The following OR6P1 variants were observed in gnomAD, a reference collection of about 807,000 sequenced individuals.
OR6P1 encodes olfactory receptor family 6 subfamily P member 1, also known as olfactory receptor 6P1.
Under a neutral mutation model 6.6 loss-of-function variants are expected in OR6P1, and 5 were observed. The observed-to-expected ratio is 0.76, with a 90% CI of 0.40 to 1.60. The LOEUF is 1.60. Among genes scored for constraint, OR6P1 ranks in the 40% most tolerant of loss-of-function variants. The pLI is 0.02. For missense variants in OR6P1, 451 were observed against 383.0 expected (o/e 1.18, Z -1.48); for synonymous variants, 177 against 149.6 (o/e 1.18, Z -1.33).
rs1413067437 is a variant in OR6P1 at position 158,561,294 on chromosome 1, C to T, written c.*1357G>A. The T allele has an allele frequency of 6.6e-6, 1 of 152,132 alleles. No individual in the cohort carries two copies. The highest frequency in any genetic ancestry group is 6.5e-5 in the Admixed American group (1 of 15,272). The allele number at this position is 152,132 out of a possible 1,614,324, so 9.4% of individuals were successfully genotyped here. On this transcript the variant is annotated 3_prime_UTR_variant, in exon 3 of 3. Coordinates refer to ENST00000641540, the MANE Select transcript of OR6P1 (RefSeq NM_001160325.2). ...AATGTAAATTGAGCTATGTTCAGAG[C>T]TGTTTCTAAGGCTATTTAGAAATTT...
intron 2 of OR6P1, among the ~76,000 whole-genome samples, chr1:158,565,878 T>C (rs578090541): frequency 6.6e-6 from 1 of 152,292 alleles, no homozygotes; most frequent in South Asian, 2.1e-4. Context: ...TATTTAAACT[T>C]TTTATTAGTT....
At chr1:158,569,773 C>A (rs1428174010) in intron 1 of OR6P1, among the ~76,000 whole-genome samples, 1 of 152,058 alleles carries the variant, frequency 6.6e-6, no homozygotes, top group East Asian at 1.9e-4. Flanking sequence ...GATCATACAT[C>A]TAGAAAATTG....
At chr1:158,565,500 T>A (rs939815643) in intron 2 of OR6P1, among the ~76,000 whole-genome samples, 1 of 152,200 alleles carries the variant, frequency 6.6e-6, no homozygotes, top group Non-Finnish European at 1.5e-5. Flanking sequence ...CCTACATGTT[T>A]ATTGTTTCCT....
chr1:158,561,637 G>A lies in OR6P1; in HGVS notation c.*1014C>T, dbSNP rs533831844. On this transcript the variant is annotated 3_prime_UTR_variant, in exon 3 of 3. Transcript: ENST00000641540. ...GTAAATGAGCCTAGATTCAAGATAA[G>A]AAAAATTTCTCTGAACAATTCAAGT... 4 of 152,264 alleles carry A rather than the reference G, an allele frequency of 2.6e-5. No homozygotes were observed. In the East Asian group the frequency reaches 7.7e-4, roughly 29 times the overall value. 9.4% of individuals were successfully genotyped at this position (152,264 alleles called of 1,614,324 possible).
chr1:158,564,533 G>A (rs1157748380), intron 2 of OR6P1, among the ~76,000 whole-genome samples: 1 of 152,128 alleles, frequency 6.6e-6, no homozygotes, highest in Non-Finnish European at 1.5e-5. Flanking sequence ...ACAGATTTAA[G>A]GATGCTGGCC....
rs370133355 is a variant in OR6P1 at position 158,561,749 on chromosome 1, G to A, written c.*902C>T. ...CATCCCAATTGCCATAGAGATATCTGCATCCTATCTATGGCTCTTCAATCT... is the reference window on the plus strand; with the variant it reads ...CATCCCAATTGCCATAGAGATATCTACATCCTATCTATGGCTCTTCAATCT... On this transcript the variant is annotated 3_prime_UTR_variant, in exon 3 of 3. Coordinates refer to ENST00000641540, the MANE Select transcript of OR6P1 (RefSeq NM_001160325.2). 5 of 152,178 alleles carry A rather than the reference G, an allele frequency of 3.3e-5. No homozygotes were observed. The East Asian group carries it at 5.8e-4, about 18-fold the overall frequency. The allele number at this position is 152,178 out of a possible 1,614,324, so 9.4% of individuals were successfully genotyped here. A position where few individuals can be genotyped will look rare whatever the true frequency, so the allele number is the denominator to read the frequency against.
rs1488701531 is a variant in OR6P1 at position 158,562,391 on chromosome 1, C to G, written c.*260G>C. The G allele has an allele frequency of 2.2e-6, 1 of 452,024 alleles. No individual in the cohort carries two copies. The highest frequency in any genetic ancestry group is 4.4e-5 in the East Asian group (1 of 22,630). The allele number at this position is 452,024 out of a possible 1,614,324, so 28.0% of individuals were successfully genotyped here. A position where few individuals can be genotyped will look rare whatever the true frequency, so the allele number is the denominator to read the frequency against. On this transcript the variant is annotated 3_prime_UTR_variant, in exon 3 of 3. Coordinates refer to ENST00000641540, the MANE Select transcript of OR6P1 (RefSeq NM_001160325.2). ...TACATTCCACACATACTCAGTAAGACTCTCCACATATTTTTTTGGGGGAAT... is the reference window on the plus strand; with the variant it reads ...TACATTCCACACATACTCAGTAAGAGTCTCCACATATTTTTTTGGGGGAAT...
At chr1:158,567,559 C>A (rs1648128809) in intron 1 of OR6P1, among the ~76,000 whole-genome samples, 1 of 146,908 alleles carries the variant, frequency 6.8e-6, no homozygotes, top group Admixed American at 6.9e-5. Flanking sequence ...AAACCAAACA[C>A]CGCATATTCT....
intron 1 of OR6P1, among the ~76,000 whole-genome samples, chr1:158,567,599 A>T (rs1280448201): frequency 2.9e-5 from 4 of 138,894 alleles, no homozygotes; most frequent in African/African-American, 5.3e-5. Context: ...AACAATGAGA[A>T]CACATGGACA....
At chr1:158,564,421 G>C (rs1648046061) in intron 2 of OR6P1, among the ~76,000 whole-genome samples, 1 of 152,070 alleles carries the variant, frequency 6.6e-6, no homozygotes, top group Admixed American at 6.6e-5. Flanking sequence ...GGATTTTCTA[G>C]GTGGGCCTTA....
intron 2 of OR6P1, among the ~76,000 whole-genome samples, chr1:158,565,910 A>T (rs1261757327): frequency 6.6e-6 from 1 of 152,212 alleles, no homozygotes; most frequent in African/African-American, 2.4e-5. Context: ...AATATTCAGT[A>T]ACATATCATC....
rs543143986 is a variant in OR6P1, at chr1:158,570,011, T to G, written c.-118+431A>C. On this transcript the variant is annotated intron_variant, in intron 1 of 2. Coordinates refer to ENST00000641540, the MANE Select transcript of OR6P1 (RefSeq NM_001160325.2). ...TAAATCTCATTCGAATTCGTAGATA[T>G]AGACTTAATATGATAGGTATTTCTT... Among the ~76,000 whole-genome samples the G allele has an allele frequency of 7.9e-4, 120 of 152,214 alleles. 1 individual carries two copies. Among genetic ancestry groups the G allele is most frequent in the Non-Finnish European group, 1.5e-3 (104 of 68,046 alleles).
At chr1:158,564,781 A>C (rs1198215589) in intron 2 of OR6P1, among the ~76,000 whole-genome samples, 1 of 152,210 alleles carries the variant, frequency 6.6e-6, no homozygotes, top group East Asian at 1.9e-4. Context: ...TACAGTAGCC[A>C]TGGGAAACTG....
chr1:158,567,964 G>T (rs1297547480), intron 1 of OR6P1, among the ~76,000 whole-genome samples: 4 of 151,938 alleles, frequency 2.6e-5, no homozygotes, highest in Admixed American at 2.6e-4. Flanking sequence ...GTGCCCAGAG[G>T]TGCCTATACC....
chr1:158,568,813 C>A (rs1183936579), intron 1 of OR6P1, among the ~76,000 whole-genome samples: 1 of 152,116 alleles, frequency 6.6e-6, no homozygotes. Flanking sequence ...AAGTCCTTCA[C>A]ACTCACAGCT....
At chr1:158,568,647 A>G (rs935462947) in intron 1 of OR6P1, among the ~76,000 whole-genome samples, 1 of 152,036 alleles carries the variant, frequency 6.6e-6, no homozygotes. Flanking sequence ...CCCCTTCAAC[A>G]TTACCCTCCC....
In OR6P1 at chr1:158,561,172, A is replaced by G. The variant is rs1354119941; in HGVS notation, c.*1479T>C. 1 of 152,188 alleles carries G rather than the reference A, an allele frequency of 6.6e-6. No homozygotes were observed. Among genetic ancestry groups the G allele is most frequent in the Admixed American group, 6.5e-5 (1 of 15,276 alleles). 9.4% of individuals were successfully genotyped at this position (152,188 alleles called of 1,614,324 possible). A position where few individuals can be genotyped will look rare whatever the true frequency, so the allele number is the denominator to read the frequency against. On this transcript the variant is annotated 3_prime_UTR_variant, in exon 3 of 3. Coordinates refer to ENST00000641540, the MANE Select transcript of OR6P1 (RefSeq NM_001160325.2). ...CTTGCCTATGATCACATAACTTGTTATTAGTAAAGCCAGGATCAAATTGAA... is the reference window on the plus strand; with the variant it reads ...CTTGCCTATGATCACATAACTTGTTGTTAGTAAAGCCAGGATCAAATTGAA...
intron 1 of OR6P1, among the ~76,000 whole-genome samples, chr1:158,569,779 A>C (rs1235143476): frequency 6.6e-6 from 1 of 152,176 alleles, no homozygotes; most frequent in Non-Finnish European, 1.5e-5. Flanking sequence ...ACATCTAGAA[A>C]ATTGCAGAAG....
chr1:158,562,579 G>T lies in OR6P1; in HGVS notation c.*72C>A, dbSNP rs1647979155. ...CAAATTATATTTATGTTCCCTTAAA[G>T]CCTATTCTGATTCCTTGAGGAGGCC... On this transcript the variant is annotated 3_prime_UTR_variant, in exon 3 of 3. Coordinates refer to ENST00000641540, the MANE Select transcript of OR6P1 (RefSeq NM_001160325.2). 4.8e-6 allele frequency: 4 copies of T among 833,422 alleles called. No homozygotes were observed. The South Asian group carries it at 6.0e-5, about 13-fold the overall frequency. 51.6% of individuals were successfully genotyped at this position (833,422 alleles called of 1,614,324 possible).
Sources: gnomAD v4.1 joint callset for allele counts (sites outside exome capture counted in the v4.1 genomes callset) on GRCh38, gnomAD v4.1.1 for gene constraint, MANE v1.5 for transcripts, NCBI Gene and HGNC (gene_info 2026-07-23, HGNC 2026-07-21) for gene names.